The following SEMA6A variants were observed in gnomAD, a reference collection of about 807,000 sequenced individuals.
The protein encoded by SEMA6A is semaphorin 6A, also known as semaphorin-6A.
In SEMA6A, 25 loss-of-function variants were observed where a neutral mutation model predicts 96.8. The observed-to-expected ratio is 0.26, with a 90% CI of 0.19 to 0.36. The LOEUF is 0.36. Among genes scored for constraint, SEMA6A ranks in the 10% least tolerant of loss-of-function variants. The probability of loss-of-function intolerance (pLI) is 1.00; values close to 1 mark genes in which losing one functional copy is unlikely to be tolerated. For synonymous variants in SEMA6A, 612 were observed against 518.0 expected (o/e 1.18, Z -2.46); for missense variants, 1,363 against 1,323.1 (o/e 1.03, Z -0.47).
intron 10 of SEMA6A, among the ~76,000 whole-genome samples, chr5:116,484,086 A>C (rs1365515113): frequency 6.9e-6 from 1 of 145,188 alleles, no homozygotes; most frequent in Non-Finnish European, 1.5e-5. Context: ...AAAAAAAAAA[A>C]GACAGTGATT....
intron 6 of SEMA6A, among the ~76,000 whole-genome samples, chr5:116,495,021 T>C (rs1757518246): frequency 1.3e-5 from 2 of 152,338 alleles, no homozygotes; most frequent in Non-Finnish European, 2.9e-5. Flanking sequence ...TGCCGTGCTT[T>C]TGAGATACCT....
intron 7 of SEMA6A, among the ~76,000 whole-genome samples, chr5:116,490,490 C>G (rs1254851275): frequency 1.3e-5 from 2 of 152,200 alleles, no homozygotes; most frequent in Non-Finnish European, 2.9e-5. Context: ...GGACCTCCAG[C>G]AGTAGTCATG....
At chr5:116,457,508 G>T (rs181214240) in intron 18 of SEMA6A, among the ~76,000 whole-genome samples, 3 of 152,128 alleles carry the variant, frequency 2.0e-5, no homozygotes, top group Admixed American at 2.0e-4. Context: ...TAAAAAATAT[G>T]AAATTTAAAA....
chr5:116,482,769 G>A (rs954761244), intron 10 of SEMA6A, among the ~76,000 whole-genome samples, 194 bp from the exon 11 acceptor site: 1 of 152,172 alleles, frequency 6.6e-6, no homozygotes, highest in African/African-American at 2.4e-5. Context: ...TTGCCTTAAA[G>A]AATGGGGTAG....
Position 116,478,743 on chromosome 5 carries a change from T to C in SEMA6A, c.1251-25A>G, listed in dbSNP as rs776842473. Reference sequence around the variant, plus strand: ...TCTAAAATGACAGGACCACATTTCTTATCTCTTTGTTGGTCTATCATTAAA... The same window carrying C: ...TCTAAAATGACAGGACCACATTTCTCATCTCTTTGTTGGTCTATCATTAAA... On this transcript the variant is annotated intron_variant, in intron 12 of 18. Transcript: ENST00000343348. The C allele has an allele frequency of 5.0e-6, 8 of 1,605,746 alleles. No homozygotes were observed. The South Asian group carries it at 7.8e-5, about 16-fold the overall frequency.
At chr5:116,550,486 A>G (rs1760360445) in intron 1 of SEMA6A, 3 of 152,184 alleles carry the variant, frequency 2.0e-5, no homozygotes, top group Non-Finnish European at 4.4e-5. Context: ...TTTGCCTTTA[A>G]CTGGGTTTAC....
chr5:116,450,190 C>A (rs1358295746), intron 18 of SEMA6A, among the ~76,000 whole-genome samples: 1 of 152,178 alleles, frequency 6.6e-6, no homozygotes, highest in African/African-American at 2.4e-5. Context: ...TTTAATTTCT[C>A]TCATTGACTT....
intron 18 of SEMA6A, among the ~76,000 whole-genome samples, 178 bp from the exon 19 acceptor site, chr5:116,447,989 G>C (rs1324803717): frequency 6.6e-6 from 1 of 151,998 alleles, no homozygotes; most frequent in Non-Finnish European, 1.5e-5. Context: ...CAAGCCCCTC[G>C]TGTGCAGTAT....
At chr5:116,480,477 C>G (rs1251739019) in intron 11 of SEMA6A, among the ~76,000 whole-genome samples, 200 bp from the exon 12 acceptor site, 1 of 152,164 alleles carries the variant, frequency 6.6e-6, no homozygotes, top group Non-Finnish European at 1.5e-5. Flanking sequence ...TTCTGAGGAG[C>G]CTCAGCCAGC....
chr5:116,480,083 T>C, intron 12 of SEMA6A, 39 bp downstream of exon 12: 1 of 1,607,040 alleles, frequency 6.2e-7, no homozygotes, highest in Non-Finnish European at 8.5e-7. Flanking sequence ...TGAGATGAAG[T>C]TAGGAAATCC....
chr5:116,503,120 T>A (rs920404685), intron 2 of SEMA6A, among the ~76,000 whole-genome samples: 8 of 152,252 alleles, frequency 5.3e-5, no homozygotes, highest in African/African-American at 1.7e-4. Flanking sequence ...TCTCTGCCTT[T>A]ACACCTACGA....
intron 1 of SEMA6A, 118 bp from the exon 2 acceptor site, chr5:116,505,100 A>C: frequency 5.3e-6 from 3 of 566,910 alleles, no homozygotes; most frequent in Non-Finnish European, 9.4e-6. Flanking sequence ...CATCTTCTAC[A>C]TGGTAAATTC....
Position 116,467,642 on chromosome 5 carries a change from G to A in SEMA6A, c.1835C>T (p.Ser612Leu), listed in dbSNP as rs1422251801. 1.7e-5 allele frequency: 27 copies of A among 1,613,476 alleles called. No homozygotes were observed. Among genetic ancestry groups the A allele is most frequent in the African/African-American group, 2.7e-5 (2 of 74,816 alleles). The stretch of plus-strand genomic sequence containing the variant: ...CCCCAAAGGGTCTGTGCTGTCAGGT[G>A]AGTCAAGCAGATGCTTCCAGTCCAG... ...GMLDWKHLLDSPDSTDPLGAV... is the reference protein window; with the variant it reads ...GMLDWKHLLDLPDSTDPLGAV... Residue 612 changes from serine to leucine, a missense_variant, in exon 18 of 19, where the codon TCA (serine) becomes TTA (leucine). Ser to Leu is a moderately radical substitution (Grantham distance 145). Around this residue, in one of 2 missense-constraint regions of SEMA6A, gnomAD observed 883 missense variants for 763.6 expected, o/e 1.16. Coordinates refer to ENST00000343348, the MANE Select transcript of SEMA6A (RefSeq NM_020796.5).
chr5:116,465,985 A>T (rs1164341437), intron 18 of SEMA6A, among the ~76,000 whole-genome samples: 3 of 148,914 alleles, frequency 2.0e-5, no homozygotes, highest in African/African-American at 7.4e-5. Context: ...TTTCTCTTCT[A>T]CCTGGAGCTT....
At position 116,477,930 on chromosome 5, in the gene SEMA6A, C is replaced by T; in HGVS notation, c.1569-4G>A. The T allele has an allele frequency of 6.2e-7, 1 of 1,613,986 alleles. No individual in the cohort carries two copies. Among genetic ancestry groups the T allele is most frequent in the Non-Finnish European group, 8.5e-7 (1 of 1,179,858 alleles). ...GTCTCTGGAGGCAATACAGGTTCTG[C>T]AGGAAGAGGATGACCATGAGCTACC... On this transcript the variant is annotated splice_polypyrimidine_tract_variant and splice_region_variant and intron_variant, in intron 14 of 18. Transcript: ENST00000343348.
At chr5:116,508,549 T>C (rs1758252931) in intron 1 of SEMA6A, among the ~76,000 whole-genome samples, 1 of 152,160 alleles carries the variant, frequency 6.6e-6, no homozygotes, top group African/African-American at 2.4e-5. Context: ...CTCCAAATCC[T>C]GCCCTGGAAA....
chr5:116,527,697 A>G (rs1231675869), intron 1 of SEMA6A, among the ~76,000 whole-genome samples: 1 of 152,126 alleles, frequency 6.6e-6, no homozygotes, highest in Non-Finnish European at 1.5e-5. Flanking sequence ...TTCTTGTCAA[A>G]CCAGTTGGTT....
At chr5:116,570,881 T>A (rs1561542628) in intron 1 of SEMA6A, among the ~76,000 whole-genome samples, 1 of 152,252 alleles carries the variant, frequency 6.6e-6, no homozygotes, top group Non-Finnish European at 1.5e-5. Flanking sequence ...TGCCTCATTT[T>A]TATTTGGTGA....
At chr5:116,497,644 G>A (rs922238132) in intron 3 of SEMA6A, among the ~76,000 whole-genome samples, 1 of 152,162 alleles carries the variant, frequency 6.6e-6, no homozygotes, top group African/African-American at 2.4e-5. Flanking sequence ...TCTGACACTA[G>A]AACTATAGCA....
Sources: allele counts gnomAD v4.1 joint callset (sites outside exome capture counted in the v4.1 genomes callset), GRCh38; gene constraint gnomAD v4.1.1; regional missense constraint gnomAD v4.1.1; transcripts MANE v1.5; gene names NCBI Gene and HGNC (gene_info 2026-07-23, HGNC 2026-07-21).